The following LINGO2 variants were observed in gnomAD, a reference collection of about 807,000 sequenced individuals.
LINGO2 encodes the protein leucine-rich repeat and immunoglobulin-like domain-containing nogo receptor-interacting protein 2.
Under a neutral mutation model 30.6 loss-of-function variants are expected in LINGO2, and 14 were observed. The ratio of observed to expected loss-of-function variants is 0.46; its 90% confidence interval spans 0.30 to 0.72. The LOEUF (loss-of-function observed/expected upper bound fraction) is 0.72. Among genes scored for constraint, LINGO2 ranks in the 30% least tolerant of loss-of-function variants. LINGO2 has a pLI of 0.07. For synonymous variants in LINGO2, 317 were observed against 288.5 expected, an observed-to-expected ratio of 1.10 and a Z score of -1.00; for missense variants, 729 against 751.7, an observed-to-expected ratio of 0.97 and a Z score of 0.35.
At chr9:28,454,500 A>G (rs1824768052) in intron 2 of LINGO2, among the ~76,000 whole-genome samples, 1 of 152,034 alleles carries the variant, frequency 6.6e-6, no homozygotes, top group South Asian at 2.1e-4. Context: ...CATGGTAGAC[A>G]TGAGGAAGTC....
At chr9:28,728,680 A>T in the LINGO2 span, among the ~76,000 whole-genome samples, 3 of 152,278 alleles carry the variant, frequency 2.0e-5, 1 homozygote, top group East Asian at 5.8e-4. Flanking sequence ...ACATCACTGA[A>T]TGACATTAAA....
chr9:27,945,467 T>G (rs1823329598), downstream of LINGO2, among the ~76,000 whole-genome samples: 1 of 152,076 alleles, frequency 6.6e-6, no homozygotes. Flanking sequence ...ACTAGGGAGT[T>G]GTCAGTAACA....
At chr9:28,158,335 C>T (rs746776247) in intron 4 of LINGO2, among the ~76,000 whole-genome samples, 3 of 152,134 alleles carry the variant, frequency 2.0e-5, no homozygotes, top group East Asian at 1.9e-4. Flanking sequence ...TCCCACAACA[C>T]GTGGGAATTC....
the LINGO2 span, among the ~76,000 whole-genome samples, chr9:28,819,458 C>A: frequency 6.6e-6 from 1 of 152,140 alleles, no homozygotes. Context: ...TTGGCATATT[C>A]TACCACTATT....
the LINGO2 span, among the ~76,000 whole-genome samples, chr9:28,856,031 G>T: frequency 2.0e-5 from 3 of 151,902 alleles, no homozygotes; most frequent in African/African-American, 7.2e-5. Context: ...ATGGTTATTT[G>T]GAGCTAGACC....
At chr9:28,466,046 G>C (rs1232431393) in intron 2 of LINGO2, among the ~76,000 whole-genome samples, 1 of 151,756 alleles carries the variant, frequency 6.6e-6, no homozygotes, top group African/African-American at 2.4e-5. Context: ...ATGGAGAACA[G>C]TTCAGAGGTT....
At chr9:28,665,637 G>A (rs1400886852) in intron 1 of LINGO2, among the ~76,000 whole-genome samples, 1 of 152,154 alleles carries the variant, frequency 6.6e-6, no homozygotes, top group East Asian at 1.9e-4. Context: ...ACAAATCAGT[G>A]TAAGTTGATA....
the LINGO2 span, among the ~76,000 whole-genome samples, chr9:28,793,105 A>G: frequency 3.3e-5 from 5 of 152,190 alleles, no homozygotes; most frequent in African/African-American, 1.2e-4. Context: ...TAGAAATCCA[A>G]TATCTTTACT....
chr9:28,988,315 T>TA, the LINGO2 span, among the ~76,000 whole-genome samples: 1 of 152,206 alleles, frequency 6.6e-6, no homozygotes, highest in South Asian at 2.1e-4. Context: ...GTTTTCGACT[T>TA]AAAGTTTATT....
chr9:28,650,815 A>C (rs755341459), intron 1 of LINGO2, among the ~76,000 whole-genome samples: 1 of 152,190 alleles, frequency 6.6e-6, no homozygotes, highest in Non-Finnish European at 1.5e-5. Flanking sequence ...TTCTCTGAAC[A>C]CTAATCATTT....
chr9:28,249,146 C>T (rs1822107635), intron 4 of LINGO2, among the ~76,000 whole-genome samples: 2 of 151,914 alleles, frequency 1.3e-5, no homozygotes, highest in East Asian at 1.9e-4. Flanking sequence ...ATTATTTTAC[C>T]TTGGGAACTG....
At chr9:29,108,158 C>T in the LINGO2 span, among the ~76,000 whole-genome samples, 2 of 152,144 alleles carry the variant, frequency 1.3e-5, no homozygotes, top group Non-Finnish European at 2.9e-5. Flanking sequence ...CAGCGTCAGC[C>T]ATTCATTTAT....
At chr9:29,158,205 C>T in the LINGO2 span, among the ~76,000 whole-genome samples, 6 of 140,712 alleles carry the variant, frequency 4.3e-5, no homozygotes, top group Non-Finnish European at 9.4e-5. Context: ...AAAAAAAAAA[C>T]AAATGGAGGG....
At chr9:28,595,303 G>A (rs1411309831) in intron 1 of LINGO2, among the ~76,000 whole-genome samples, 1 of 151,992 alleles carries the variant, frequency 6.6e-6, no homozygotes, top group African/African-American at 2.4e-5. Flanking sequence ...TTGCTTGTTT[G>A]TTTGTTTAGT....
At chr9:28,912,716 T>C in the LINGO2 span, among the ~76,000 whole-genome samples, 1 of 152,184 alleles carries the variant, frequency 6.6e-6, no homozygotes, top group South Asian at 2.1e-4. Flanking sequence ...ACCTCAGTCT[T>C]GGCTAGTCTA....
chr9:28,193,207 C>G lies in LINGO2; in HGVS notation c.-87+102001G>C, dbSNP rs186102093. ...TAGGAGTTCAACCCCAATGCTTTTC[C>G]TTTGAATAGTCCCCTTCCTTCTTAG... On this transcript the variant is annotated intron_variant, in intron 4 of 5. Transcript: ENST00000379992. 2.7e-3 allele frequency among the ~76,000 whole-genome samples: 408 copies of G among 152,184 alleles called. 2 individuals are homozygous for G. Among genetic ancestry groups the G allele is most frequent in the African/African-American group, 9.3e-3 (386 of 41,530 alleles).
the LINGO2 span, among the ~76,000 whole-genome samples, chr9:29,100,314 AG>A: frequency 6.6e-6 from 1 of 152,280 alleles, no homozygotes; most frequent in Admixed American, 6.5e-5. Flanking sequence ...AGCTACAAAA[AG>A]GTCAGGAGTG....
intron 4 of LINGO2, among the ~76,000 whole-genome samples, chr9:28,239,006 T>A (rs1392228106): frequency 6.6e-6 from 1 of 152,010 alleles, no homozygotes; most frequent in South Asian, 2.1e-4. Context: ...GTGGCTAGCA[T>A]GATCAACTAA....
chr9:28,850,629 G>C, the LINGO2 span, among the ~76,000 whole-genome samples: 1 of 152,030 alleles, frequency 6.6e-6, no homozygotes, highest in Non-Finnish European at 1.5e-5. Flanking sequence ...ATGTTCCAGA[G>C]GAGGGAATGC....
Sources: allele counts gnomAD v4.1 joint callset (sites outside exome capture counted in the v4.1 genomes callset), GRCh38; gene constraint gnomAD v4.1.1; transcripts MANE v1.5; gene names NCBI Gene and HGNC (gene_info 2026-07-23, HGNC 2026-07-21).